The following FILIP1 variants were observed in gnomAD, a reference collection of about 807,000 sequenced individuals.
FILIP1 encodes the protein filamin A interacting protein 1, also known as filamin-A-interacting protein 1.
A neutral mutation model predicts 102.1 loss-of-function variants in FILIP1; 61 were observed. The ratio of observed to expected loss-of-function variants is 0.60; its 90% CI spans 0.49 to 0.74. The LOEUF (loss-of-function observed/expected upper bound fraction) is 0.74, where lower values mean the gene tolerates loss of function less well. Among genes scored for constraint, FILIP1 ranks in the 30% least tolerant of loss-of-function variants. FILIP1 has a pLI of 0.00. For missense variants in FILIP1, 1,314 were observed against 1,441.2 expected, an observed-to-expected ratio of 0.91 and a Z score of 1.43; for synonymous variants, 491 against 526.9, an observed-to-expected ratio of 0.93 and a Z score of 0.93.
intron 1 of FILIP1, among the ~76,000 whole-genome samples, chr6:75,485,058 G>T (rs192420675): frequency 3.3e-5 from 5 of 151,910 alleles, no homozygotes; most frequent in African/African-American, 1.2e-4. Context: ...CTTTTTCTGG[G>T]TGGGTGAAAA....
intron 1 of FILIP1, among the ~76,000 whole-genome samples, chr6:75,418,170 C>G (rs1777334393): frequency 6.6e-6 from 1 of 152,196 alleles, no homozygotes; most frequent in Non-Finnish European, 1.5e-5. Context: ...TGCACTCCAG[C>G]CTGGGCGACA....
At chr6:75,446,079 A>G (rs1158520801) in intron 1 of FILIP1, among the ~76,000 whole-genome samples, 1 of 152,198 alleles carries the variant, frequency 6.6e-6, no homozygotes, top group African/African-American at 2.4e-5. Context: ...ATCTTGACTT[A>G]TAATCACCCA....
At chr6:75,307,955 A>C (rs1773040468), downstream of FILIP1, 1 of 809,040 alleles carries the variant, frequency 1.2e-6, no homozygotes, top group Non-Finnish European at 1.5e-6. Flanking sequence ...TCAATTGCAC[A>C]CTTGAATAGA....
At chr6:75,428,701 G>A (rs1048227310) in intron 1 of FILIP1, among the ~76,000 whole-genome samples, 1 of 152,156 alleles carries the variant, frequency 6.6e-6, no homozygotes, top group Admixed American at 6.5e-5. Context: ...TCCATGAAAG[G>A]ATTATATGCC....
Position 75,353,538 on chromosome 6 carries a change from C to T in FILIP1, c.629+1G>A. The T allele has an allele frequency of 6.2e-7, 1 of 1,614,078 alleles. No homozygotes were observed. Among genetic ancestry groups the T allele is most frequent in the Non-Finnish European group, 8.5e-7 (1 of 1,179,994 alleles). On this transcript the variant is annotated splice_donor_variant, in intron 4 of 5. Coordinates refer to ENST00000237172, the MANE Select transcript of FILIP1 (RefSeq NM_015687.5). LOFTEE classifies it high-confidence loss of function. ...TGACTGGTGGTGTGTGTGCACATTA[C>T]CTCTCCCGCTCCTGCTCCAGCAGGT...
chr6:75,333,230 G>C (rs1012493589), intron 4 of FILIP1, among the ~76,000 whole-genome samples: 43 of 151,778 alleles, frequency 2.8e-4, no homozygotes, highest in African/African-American at 9.9e-4. Flanking sequence ...TTAAATATAA[G>C]CTTATGTAAA....
At chr6:75,352,599 T>C (rs1774846089) in intron 4 of FILIP1, among the ~76,000 whole-genome samples, 1 of 152,110 alleles carries the variant, frequency 6.6e-6, no homozygotes, top group African/African-American at 2.4e-5. Context: ...ACCCCAAGTT[T>C]TAAAAGTTAT....
At chr6:75,434,331 TTC>T (rs753282350) in intron 1 of FILIP1, among the ~76,000 whole-genome samples, 1 of 152,230 alleles carries the variant, frequency 6.6e-6, no homozygotes, top group Non-Finnish European at 1.5e-5. Context: ...GCATGGAATG[TTC>T]TTCCATTTGT....
At chr6:75,458,987 C>A (rs964168532) in intron 1 of FILIP1, 1 of 152,102 alleles carries the variant, frequency 6.6e-6, no homozygotes, top group African/African-American at 2.4e-5. Flanking sequence ...TGGGGGACAG[C>A]CAAATGTCAG....
chr6:75,384,435 C>T (rs1776014326), intron 2 of FILIP1, among the ~76,000 whole-genome samples: 1 of 152,168 alleles, frequency 6.6e-6, no homozygotes, highest in Admixed American at 6.6e-5. Flanking sequence ...TCTCTTCCTC[C>T]CCCTCTTCTT....
chr6:75,312,055 C>T (rs1366538699), intron 5 of FILIP1, among the ~76,000 whole-genome samples: 1 of 152,036 alleles, frequency 6.6e-6, no homozygotes, highest in African/African-American at 2.4e-5. Flanking sequence ...TCCCCCGTCT[C>T]CATTCAAAAA....
chr6:75,424,291 T>A (rs1456722733), intron 1 of FILIP1, among the ~76,000 whole-genome samples: 1 of 152,130 alleles, frequency 6.6e-6, no homozygotes, highest in Admixed American at 6.6e-5. Flanking sequence ...GGGCATAGCA[T>A]CCCCCAAGAA....
At chr6:75,406,203 AT>A (rs1776838458) in intron 2 of FILIP1, among the ~76,000 whole-genome samples, 1 of 152,088 alleles carries the variant, frequency 6.6e-6, no homozygotes, top group African/African-American at 2.4e-5. Context: ...CCTTCAGACT[AT>A]TTTGTGGGAA....
intron 2 of FILIP1, among the ~76,000 whole-genome samples, chr6:75,396,323 T>G (rs937251069): frequency 1.3e-5 from 2 of 151,846 alleles, no homozygotes; most frequent in African/African-American, 4.8e-5. Flanking sequence ...TCTGGGGAAT[T>G]AGCCAAAGGG....
chr6:75,326,620 TATTTC>T (rs1257967127), intron 4 of FILIP1, among the ~76,000 whole-genome samples: 1 of 152,228 alleles, frequency 6.6e-6, no homozygotes, highest in African/African-American at 2.4e-5. Flanking sequence ...AGAGCTTTAT[TATTTC>T]ATTTAATTTT....
In FILIP1 at chr6:75,362,789, C is replaced by T. The variant is rs752420089; in HGVS notation, c.405G>A (p.Gln135=). The T allele has an allele frequency of 1.9e-6, 3 of 1,613,770 alleles. No homozygotes were observed. Among genetic ancestry groups the T allele is most frequent in the Non-Finnish European group, 2.5e-6 (3 of 1,179,990 alleles). ...AGACATCTTCTCCTATGGATTTCTC[C>T]TGGGCAAGAATGGCATCTCGGTGCA... ...RVLHRDAILA[Q]EKSIGEDVYE... is the part of the protein sequence containing the mutation. The change falls in exon 3 of 6, where the codon CAG becomes CAA. Residue 135 remains glutamine, a synonymous_variant. Coordinates refer to ENST00000237172, the MANE Select transcript of FILIP1 (RefSeq NM_015687.5).
In FILIP1 at chr6:75,463,042, A is replaced by G. The variant is rs575440187; in HGVS notation, c.-7+30372T>C. On this transcript the variant is annotated intron_variant, in intron 1 of 5. Transcript: ENST00000237172. The stretch of plus-strand genomic sequence containing the variant: ...CCACAGAATGGAAAATGAGCACAAT[A>G]TATGCAAGAAATGTGAAGATGATAC... Among the ~76,000 whole-genome samples the G allele has an allele frequency of 2.6e-5, 4 of 152,328 alleles. No homozygotes were observed. In the South Asian group the frequency reaches 8.3e-4, roughly 32 times the overall value.
rs140148566 is a variant in FILIP1 at position 75,363,131 on chromosome 6, A to G, written c.277-214T>C. 1,129 of 514,958 alleles carry G rather than the reference A, an allele frequency of 2.2e-3. 9 individuals carry two copies. The highest frequency in any genetic ancestry group is 0.02 in the African/African-American group (1,046 of 52,640). The allele number at this position is 514,958 out of a possible 1,614,324, so 31.9% of individuals were successfully genotyped here. A position where few individuals can be genotyped will look rare whatever the true frequency, so the allele number is the denominator to read the frequency against. On this transcript the variant is annotated intron_variant, in intron 2 of 5. Coordinates refer to ENST00000237172, the MANE Select transcript of FILIP1 (RefSeq NM_015687.5). ...GTTGCTAGGAAGCAGGCAAGCAGAA[A>G]AAAGGATTTGTGCTAATATTAACTA...
chr6:75,363,574 TTTTG>T (rs1449450297), intron 2 of FILIP1, among the ~76,000 whole-genome samples: 9 of 152,002 alleles, frequency 5.9e-5, no homozygotes, highest in African/African-American at 9.7e-5. Context: ...TAGGTCAGAG[TTTTG>T]TTTGTTTGTT....
Sources: gnomAD v4.1 joint callset for allele counts (sites outside exome capture counted in the v4.1 genomes callset) on GRCh38, gnomAD v4.1.1 for gene constraint, MANE v1.5 for transcripts, NCBI Gene and HGNC (gene_info 2026-07-23, HGNC 2026-07-21) for gene names.